Variants in GRIK1 observed in about 807,000 individuals in gnomAD.
GRIK1 encodes the protein glutamate receptor ionotropic, kainate 1.
Under a neutral mutation model 105.7 loss-of-function variants are expected in GRIK1, and 69 were observed. That is an observed-to-expected ratio of 0.65 (90% CI 0.54 to 0.80). The LOEUF (loss-of-function observed/expected upper bound fraction) is 0.80, where lower values mean the gene tolerates loss of function less well. Ranked by LOEUF, GRIK1 falls within the 30% of genes least tolerant of loss-of-function variation. The pLI is 0.00. For synonymous variants in GRIK1, 438 were observed against 431.3 expected (o/e 1.02, Z -0.19); for missense variants, 1,109 against 1,167.3 (o/e 0.95, Z 0.73).
At chr21:29,727,876 G>A (rs529639911) in intron 1 of GRIK1, among the ~76,000 whole-genome samples, 31 of 152,276 alleles carry the variant, frequency 2.0e-4, no homozygotes, top group East Asian at 7.7e-4. Flanking sequence ...ATAATCTGCC[G>A]CCTGTAAGCG....
chr21:29,557,064 G>A (rs1395651522), intron 15 of GRIK1, among the ~76,000 whole-genome samples: 1 of 152,114 alleles, frequency 6.6e-6, no homozygotes, highest in African/African-American at 2.4e-5. Flanking sequence ...TGTAAGGGTT[G>A]GAAAGTGCCA....
chr21:29,739,752 AT>A (rs1243335806), intron 1 of GRIK1, among the ~76,000 whole-genome samples: 2 of 152,354 alleles, frequency 1.3e-5, no homozygotes, highest in East Asian at 3.9e-4. Context: ...TTTAAAAGTA[AT>A]TATTTTACTC....
rs536190449 is a variant in GRIK1, at chr21:29,629,572, C to T, written c.1098+13254G>A. On this transcript the variant is annotated intron_variant, in intron 7 of 17. Transcript: ENST00000327783. ...GTGGCGGATCTCAGCTCACTGCAAA[C>T]TCCGCCTCCCAGGTTCAAGCGATTC... is the stretch of plus-strand genomic sequence containing the variant. Among the ~76,000 whole-genome samples the T allele has an allele frequency of 2.6e-5, 4 of 151,674 alleles. No homozygotes were observed. The East Asian group carries it at 7.8e-4, about 29-fold the overall frequency.
At chr21:29,850,596 G>A (rs2832452) in intron 1 of GRIK1, among the ~76,000 whole-genome samples, 48,874 of 152,022 alleles carry the variant, frequency 0.32, 8,542 homozygotes, top group East Asian at 0.46. Flanking sequence ...GTTATTGATG[G>A]AAGTAATTTT....
chr21:29,832,697 T>C (rs1007223922), intron 1 of GRIK1, among the ~76,000 whole-genome samples: 1 of 152,178 alleles, frequency 6.6e-6, no homozygotes, highest in African/African-American at 2.4e-5. Context: ...GGGCCCAGCC[T>C]GCAAAACCAT....
rs1042822101 is a variant in GRIK1, at chr21:29,788,401, A to T, written c.119-94338T>A. ...CAGAAGTCTTTGAGCAGGAACATAG[A>T]ATCCTAGAATGGAACCTAAGGAGGC... On this transcript the variant is annotated intron_variant, in intron 1 of 17. Coordinates refer to ENST00000327783, the MANE Select transcript of GRIK1 (RefSeq NM_001330994.2). Among the ~76,000 whole-genome samples, 3 of 152,186 alleles carry T rather than the reference A, an allele frequency of 2.0e-5. No individual in the cohort carries two copies. The South Asian group carries it at 6.2e-4, about 32-fold the overall frequency.
At position 29,927,619 on chromosome 21, in the gene GRIK1, T is replaced by C. The variant is rs528574320; in HGVS notation, c.118+11764A>G. ...TGGGCATGGTGGCTCACACCTGTAA[T>C]CCCAGCACTTTGGGAGGCCAAGGCA... is the stretch of plus-strand genomic sequence containing the variant. On this transcript the variant is annotated intron_variant, in intron 1 of 17. Coordinates refer to ENST00000327783, the MANE Select transcript of GRIK1 (RefSeq NM_001330994.2). 2.0e-5 allele frequency among the ~76,000 whole-genome samples: 3 copies of C among 151,656 alleles called. No homozygotes were observed. In the East Asian group the frequency reaches 5.8e-4, roughly 29 times the overall value.
chr21:29,788,031 G>C lies in GRIK1; in HGVS notation c.119-93968C>G, dbSNP rs2066306850. Among the ~76,000 whole-genome samples, 3 of 152,138 alleles carry C rather than the reference G, an allele frequency of 2.0e-5. No individual in the cohort carries two copies. In the South Asian group the frequency reaches 6.2e-4, roughly 31 times the overall value. On this transcript the variant is annotated intron_variant, in intron 1 of 17. Transcript: ENST00000327783. ...TCTATTCATTCATTTGTTCATTTAT[G>C]TAATCATTTGTTTGCTTCTTCGATA...
At chr21:29,650,438 A>G (rs1288021369) in intron 6 of GRIK1, among the ~76,000 whole-genome samples, 4 of 152,200 alleles carry the variant, frequency 2.6e-5, no homozygotes, top group African/African-American at 9.7e-5. Flanking sequence ...TTTCTTCAGC[A>G]CCCAGGGAGC....
At chr21:29,708,148 C>T (rs958916302) in intron 1 of GRIK1, among the ~76,000 whole-genome samples, 2 of 152,214 alleles carry the variant, frequency 1.3e-5, no homozygotes, top group East Asian at 3.8e-4. Flanking sequence ...CAACCTCCCT[C>T]AGAATCTGTA....
At chr21:29,553,976 G>T (rs1250218607) in intron 16 of GRIK1, among the ~76,000 whole-genome samples, 4 of 152,104 alleles carry the variant, frequency 2.6e-5, no homozygotes, top group Non-Finnish European at 4.4e-5. Flanking sequence ...GGTGTTCATT[G>T]TTGTCATAGT....
At chr21:29,726,796 G>T (rs1008650407) in intron 1 of GRIK1, among the ~76,000 whole-genome samples, 3 of 151,202 alleles carry the variant, frequency 2.0e-5, no homozygotes, top group Non-Finnish European at 3.0e-5. Context: ...ACATATATAG[G>T]TATATACATA....
At chr21:29,708,724 C>A (rs1021852824) in intron 1 of GRIK1, among the ~76,000 whole-genome samples, 1 of 152,208 alleles carries the variant, frequency 6.6e-6, no homozygotes, top group African/African-American at 2.4e-5. Flanking sequence ...TGGAGCAGAG[C>A]CTGCAACAGA....
rs553520777 is a variant in GRIK1 at position 29,776,582 on chromosome 21, T to G, written c.119-82519A>C. Reference sequence around the variant, plus strand: ...TGGAGAGATAGGAACTACATGTAGTTTCCAGTGTGGAACAAGTGGATGGTA... The same window carrying G: ...TGGAGAGATAGGAACTACATGTAGTGTCCAGTGTGGAACAAGTGGATGGTA... On this transcript the variant is annotated intron_variant, in intron 1 of 17. Transcript: ENST00000327783. Among the ~76,000 whole-genome samples the G allele has an allele frequency of 2.0e-4, 31 of 152,348 alleles. 1 individual carries two copies. The South Asian group carries it at 5.6e-3, about 27-fold the overall frequency.
At chr21:29,858,151 G>T (rs925582822) in intron 1 of GRIK1, among the ~76,000 whole-genome samples, 1 of 152,052 alleles carries the variant, frequency 6.6e-6, no homozygotes, top group Non-Finnish European at 1.5e-5. Flanking sequence ...TGCCCACTTC[G>T]GTCTCCCAGA....
chr21:29,591,044 G>A, intron 10 of GRIK1, 68 bp downstream of exon 10: 1 of 859,786 alleles, frequency 1.2e-6, no homozygotes, highest in Non-Finnish European at 2.0e-6. Flanking sequence ...AAAGACAGTT[G>A]AGGAATGCTT....
intron 1 of GRIK1, among the ~76,000 whole-genome samples, chr21:29,881,083 C>T (rs1276706091): frequency 2.0e-5 from 3 of 152,096 alleles, no homozygotes; most frequent in Non-Finnish European, 4.4e-5. Context: ...GTTATTACAA[C>T]CCAGAATAGA....
At chr21:29,848,779 A>ATATATATATATATATATTTTTTTTTT in intron 1 of GRIK1, among the ~76,000 whole-genome samples, 3 of 77,878 alleles carry the variant, frequency 3.9e-5, no homozygotes, top group African/African-American at 1.2e-4. Context: ...ATATATATAT[A>ATATATATATATATATATTTTTTTTTT]TTTTTTTTTT....
Position 29,694,662 on chromosome 21 carries a change from T to C in GRIK1, c.119-599A>G, listed in dbSNP as rs191126528. Among the ~76,000 whole-genome samples, 384 of 152,330 alleles carry C rather than the reference T, an allele frequency of 2.5e-3. 2 individuals are homozygous for C. Among genetic ancestry groups the C allele is most frequent in the African/African-American group, 8.9e-3 (372 of 41,580 alleles). ...TGGTATAAAAGTGTAACTGATAATA[T>C]GGCAGAGGACGATTTTCTGTGATGT... On this transcript the variant is annotated intron_variant, in intron 1 of 17. Transcript: ENST00000327783.
Sources: allele counts gnomAD v4.1 joint callset (sites outside exome capture counted in the v4.1 genomes callset), GRCh38; gene constraint gnomAD v4.1.1; transcripts MANE v1.5; gene names NCBI Gene and HGNC (gene_info 2026-07-23, HGNC 2026-07-21).